The following TANC1 variants were observed in gnomAD, a reference collection of about 807,000 sequenced individuals.
TANC1 encodes the protein protein TANC1.
TANC1 carries 77 observed loss-of-function variants against 149.7 expected under a neutral mutation model. The observed-to-expected ratio is 0.51, with a 90% CI of 0.43 to 0.62. TANC1 has a LOEUF of 0.62. Ranked by LOEUF, TANC1 falls within the 20% of genes least tolerant of loss-of-function variation. The probability of loss-of-function intolerance (pLI) is 0.00; values close to 1 mark genes in which losing one functional copy is unlikely to be tolerated. For missense variants in TANC1, 1,985 were observed against 2,321.8 expected (o/e 0.85, Z 2.98); for synonymous variants, 854 against 925.0 (o/e 0.92, Z 1.39).
At chr2:159,117,416 G>C (rs2150066517) in intron 4 of TANC1, among the ~76,000 whole-genome samples, 1 of 150,840 alleles carries the variant, frequency 6.6e-6, no homozygotes, top group Non-Finnish European at 1.5e-5. Context: ...TTTTTTTTGA[G>C]ATGGGGTCTT....
At position 159,103,838 on chromosome 2, in the gene TANC1, CA is replaced by C. The variant is rs1232514668; in HGVS notation, c.259+6005del. Among the ~76,000 whole-genome samples the C allele has an allele frequency of 1.8e-4, 17 of 97,110 alleles. 7 individuals are homozygous for C. In the Admixed American group the frequency reaches 1.9e-3, roughly 11 times the overall value. The allele number at this position is 97,110 out of a possible 152,430, so 63.7% of individuals were successfully genotyped here. ...CTGTCCCCAGCGTCTTCTCTTATGT[CA>C]GCCAGCCTGTGCCGATGTTCTGCCT... On this transcript the variant is annotated intron_variant, in intron 4 of 26. Coordinates refer to ENST00000263635, the MANE Select transcript of TANC1 (RefSeq NM_033394.3).
At chr2:159,015,739 A>ATC (rs982917450) in intron 2 of TANC1, among the ~76,000 whole-genome samples, 7 of 152,120 alleles carry the variant, frequency 4.6e-5, no homozygotes, top group African/African-American at 1.4e-4. Context: ...AGTTCCACAG[A>ATC]TCTCTAGGGC....
intron 13 of TANC1, 145 bp downstream of exon 13, chr2:159,176,663 A>G (rs759034): frequency 0.99 from 634,494 of 640,148 alleles, 314,523 homozygotes; most frequent in East Asian, 1. Context: ...CCAGAGAGCC[A>G]GACTTGGGTG....
At chr2:159,191,802 A>ATC (rs1211306485) in intron 16 of TANC1, among the ~76,000 whole-genome samples, 1 of 152,112 alleles carries the variant, frequency 6.6e-6, no homozygotes, top group Non-Finnish European at 1.5e-5. Flanking sequence ...ATGCCTTGTC[A>ATC]TCTCTCTGTA....
At chr2:159,162,860 G>A (rs539369103) in intron 7 of TANC1, among the ~76,000 whole-genome samples, 89 of 152,164 alleles carry the variant, frequency 5.8e-4, no homozygotes, top group Non-Finnish European at 1.1e-3. Context: ...TCTGTTGTTT[G>A]TTCCCACTCC....
chr2:159,085,707 G>T (rs2044763697), intron 3 of TANC1, among the ~76,000 whole-genome samples: 1 of 152,086 alleles, frequency 6.6e-6, no homozygotes, highest in Non-Finnish European at 1.5e-5. Context: ...TTAATAATCA[G>T]ATCTCTAGTG....
At chr2:159,053,788 C>T (rs1362386386) in intron 2 of TANC1, among the ~76,000 whole-genome samples, 1 of 152,166 alleles carries the variant, frequency 6.6e-6, no homozygotes, top group Non-Finnish European at 1.5e-5. Context: ...TCTGTCTCCC[C>T]AAATCCTCCA....
Position 159,142,822 on chromosome 2 carries a change from G to A in TANC1, c.365-6320G>A, listed in dbSNP as rs186530946. ...CTGACACCTGTAATCCTAGCAATTTGGGAGGCCAAGGCGGGCGGATTGCCT... is the reference window on the plus strand; with the variant it reads ...CTGACACCTGTAATCCTAGCAATTTAGGAGGCCAAGGCGGGCGGATTGCCT... On this transcript the variant is annotated intron_variant, in intron 5 of 26. Coordinates refer to ENST00000263635, the MANE Select transcript of TANC1 (RefSeq NM_033394.3). Among the ~76,000 whole-genome samples, 384 of 151,686 alleles carry A rather than the reference G, an allele frequency of 2.5e-3. 6 individuals carry two copies. The highest frequency in any genetic ancestry group is 1.7e-3 in the East Asian group (9 of 5,172).
intron 20 of TANC1, among the ~76,000 whole-genome samples, 166 bp downstream of exon 20, chr2:159,217,796 A>T (rs1021374475): frequency 6.6e-6 from 1 of 152,178 alleles, no homozygotes; most frequent in Non-Finnish European, 1.5e-5. Flanking sequence ...GTTTGACAAG[A>T]TAACACAGTT....
chr2:159,107,451 C>T (rs2047295152), intron 4 of TANC1, among the ~76,000 whole-genome samples: 8 of 152,200 alleles, frequency 5.3e-5, no homozygotes, highest in African/African-American at 1.9e-4. Flanking sequence ...AGATACATAT[C>T]CCTGTTTTCC....
At chr2:159,027,776 T>G (rs1013183659) in intron 2 of TANC1, among the ~76,000 whole-genome samples, 2 of 152,200 alleles carry the variant, frequency 1.3e-5, no homozygotes, top group Admixed American at 1.3e-4. Flanking sequence ...GAATGCCACC[T>G]TCTGCATAAT....
chr2:159,106,220 T>C (rs1387991996), intron 4 of TANC1, among the ~76,000 whole-genome samples: 1 of 152,102 alleles, frequency 6.6e-6, no homozygotes, highest in Non-Finnish European at 1.5e-5. Context: ...ATCCCCACAG[T>C]CTTAATTTTA....
chr2:159,220,211 T>G (rs1034316757), intron 22 of TANC1, among the ~76,000 whole-genome samples: 2 of 152,164 alleles, frequency 1.3e-5, no homozygotes, highest in Admixed American at 1.3e-4. Flanking sequence ...ATAAAACTTT[T>G]GCATAGATCA....
At chr2:159,051,110 G>C (rs758445398) in intron 2 of TANC1, among the ~76,000 whole-genome samples, 1 of 152,130 alleles carries the variant, frequency 6.6e-6, no homozygotes, top group Admixed American at 6.5e-5. Flanking sequence ...TACATCCACC[G>C]TCTCTAATTC....
intron 1 of TANC1, among the ~76,000 whole-genome samples, chr2:158,999,660 A>T (rs73969408): frequency 7.9e-5 from 12 of 152,126 alleles, no homozygotes; most frequent in Non-Finnish European, 1.0e-4. Flanking sequence ...TTGTTCTGGA[A>T]GGGCAAGGGA....
intron 4 of TANC1, among the ~76,000 whole-genome samples, chr2:159,102,712 CTTTTTT>C (rs755803794): frequency 3.7e-5 from 1 of 27,106 alleles, no homozygotes; most frequent in East Asian, 4.4e-4. Flanking sequence ...TGGATATTTG[CTTTTTT>C]TTTTTTTTTT....
chr2:159,194,160 G>T (rs781772220), intron 16 of TANC1, 97 bp from the exon 17 acceptor site: 3 of 930,908 alleles, frequency 3.2e-6, no homozygotes, highest in Non-Finnish European at 5.2e-6. Context: ...AGAACCACTG[G>T]ATTAAAATGA....
At chr2:159,217,463 C>T in intron 19 of TANC1, 34 bp from the exon 20 acceptor site, 1 of 1,613,272 alleles carries the variant, frequency 6.2e-7, no homozygotes, top group Non-Finnish European at 8.5e-7. Flanking sequence ...CCACCACATG[C>T]TAACAGATTC....
chr2:159,172,536 C>T (rs898092748), intron 11 of TANC1, among the ~76,000 whole-genome samples: 5 of 152,236 alleles, frequency 3.3e-5, no homozygotes, highest in Admixed American at 2.6e-4. Context: ...AGCATGTGCA[C>T]TCGCCACAAA....
Sources: gnomAD v4.1 joint callset for allele counts (sites outside exome capture counted in the v4.1 genomes callset) on GRCh38, gnomAD v4.1.1 for gene constraint, MANE v1.5 for transcripts, NCBI Gene and HGNC (gene_info 2026-07-23, HGNC 2026-07-21) for gene names.